MTMR14: variants seen among roughly 807,000 people sequenced by gnomAD.
MTMR14 encodes the protein phosphatidylinositol-3,5-bisphosphate 3-phosphatase MTMR14.
Under a neutral mutation model 86.3 loss-of-function variants are expected in MTMR14, and 48 were observed. The observed-to-expected ratio is 0.56, with a 90% CI of 0.44 to 0.71. The LOEUF (loss-of-function observed/expected upper bound fraction) is 0.71, where lower values mean the gene tolerates loss of function less well. Among genes scored for constraint, MTMR14 ranks in the 30% least tolerant of loss-of-function variants. The pLI is 0.00. For missense variants in MTMR14, 780 were observed against 834.6 expected (o/e 0.93, Z 0.81); for synonymous variants, 366 against 326.1 (o/e 1.12, Z -1.32).
rs768166936 is a variant in MTMR14, at chr3:9,687,856, T to C, written c.1200T>C (p.Ile400=). 4.8e-5 allele frequency: 76 copies of C among 1,587,960 alleles called. No homozygotes were observed. Among genetic ancestry groups the C allele is most frequent in the Admixed American group, 1.6e-4 (9 of 56,874 alleles). ...FFFCFNFLKH[I]TSEEFSALKT... ...TCTGCTTCAATTTTTTGAAGCATAT[T>C]ACCTCCGAGGAGTTCTCTGCTCTGA... The change falls in exon 14 of 19, where the codon ATT becomes ATC. Residue 400 remains isoleucine, a synonymous_variant. Coordinates refer to ENST00000296003, the MANE Select transcript of MTMR14 (RefSeq NM_001077525.3).
chr3:9,701,558 GC>G lies in MTMR14; in HGVS notation c.1770-231del, dbSNP rs2076458769. 7 of 585,568 alleles carry G rather than the reference GC, an allele frequency of 1.2e-5. No homozygotes were observed. The highest frequency in any genetic ancestry group is 1.8e-5 in the Non-Finnish European group (6 of 329,876). 36.3% of individuals were successfully genotyped at this position (585,568 alleles called of 1,614,324 possible). A position where few individuals can be genotyped will look rare whatever the true frequency, so the allele number is the denominator to read the frequency against. On this transcript the variant is annotated intron_variant, in intron 18 of 18. Coordinates refer to ENST00000296003, the MANE Select transcript of MTMR14 (RefSeq NM_001077525.3). This position sits in a 1 kb window ranked among gnomAD's most constrained non-coding sequence, Gnocchi z 4.2. Reference sequence around the variant, plus strand: ...AAAAAAGGTTAGTGTCCCAGTAAAAGCTCCTGCTCTAGGTGGGAACAGTAGC... The same window carrying G: ...AAAAAAGGTTAGTGTCCCAGTAAAAGTCCTGCTCTAGGTGGGAACAGTAGC...
intron 9 of MTMR14, among the ~76,000 whole-genome samples, chr3:9,678,333 A>T (rs2075651660): frequency 6.6e-6 from 1 of 152,256 alleles, no homozygotes; most frequent in South Asian, 2.1e-4. Flanking sequence ...AGGACCTCAT[A>T]GAGTCTGCTA....
chr3:9,684,838 T>C (rs1365674599), intron 11 of MTMR14, 50 bp from the exon 12 acceptor site: 2 of 1,599,678 alleles, frequency 1.3e-6, no homozygotes, highest in East Asian at 2.2e-5. Flanking sequence ...ATGGTTCAGC[T>C]CCTGGGGATG....
In MTMR14 at chr3:9,662,210, T is replaced by G. The variant is rs2047980834; in HGVS notation, c.309-57T>G. The G allele has an allele frequency of 4.5e-6, 6 of 1,319,646 alleles. No individual in the cohort carries two copies. In the Admixed American group the frequency reaches 1.0e-4, roughly 22 times the overall value. The allele number at this position is 1,319,646 out of a possible 1,614,324, so 81.7% of individuals were successfully genotyped here. The stretch of plus-strand genomic sequence containing the variant: ...GGGGGTCTGTGTGAATAAACACATA[T>G]ACACAAAGTGCCCACTTCAAAGTCA... On this transcript the variant is annotated intron_variant, in intron 2 of 18. Coordinates refer to ENST00000296003, the MANE Select transcript of MTMR14 (RefSeq NM_001077525.3).
chr3:9,680,621 A>G (rs893060447), intron 9 of MTMR14, among the ~76,000 whole-genome samples: 13 of 152,194 alleles, frequency 8.5e-5, no homozygotes, highest in Non-Finnish European at 1.6e-4. Flanking sequence ...CAAGGCGGGC[A>G]GATCACGAGG....
In MTMR14 at chr3:9,649,601, C is replaced by T. The variant is rs1450033277; in HGVS notation, c.18C>T (p.Ala6=). The stretch of plus-strand genomic sequence containing the variant: ...GCTGGGCCATGGCCGGCGCTCGGGC[C>T]GCCGCCGCCGCTGCCTCGGCGGGGT... MAGAR[A]AAAAASAGSS... is the part of the protein sequence containing the mutation. The change falls in exon 1 of 19, where the codon GCC becomes GCT. Residue 6 remains alanine, a synonymous_variant. Transcript: ENST00000296003. 6.5e-7 allele frequency: 1 copy of T among 1,544,972 alleles called. No individual in the cohort carries two copies. The highest frequency in any genetic ancestry group is 2.4e-5 in the East Asian group (1 of 40,830).
chr3:9,653,049 C>T (rs2047394224), intron 1 of MTMR14, among the ~76,000 whole-genome samples: 1 of 152,170 alleles, frequency 6.6e-6, no homozygotes, highest in South Asian at 2.1e-4. Flanking sequence ...CTAGCCTGGC[C>T]AACATGGTGA....
intron 4 of MTMR14, among the ~76,000 whole-genome samples, 194 bp from the exon 5 acceptor site, chr3:9,669,238 G>A (rs754644226): frequency 1.1e-4 from 17 of 152,092 alleles, no homozygotes; most frequent in Admixed American, 4.6e-4. Context: ...TTTGATCAGG[G>A]ACCAGGAGAC....
At chr3:9,660,111 G>T (rs1253946732) in intron 2 of MTMR14, among the ~76,000 whole-genome samples, 4 of 152,200 alleles carry the variant, frequency 2.6e-5, no homozygotes, top group African/African-American at 9.7e-5. Context: ...TTATATTCTT[G>T]TGGAGTCTAG....
Position 9,677,450 on chromosome 3 carries a change from A to G in MTMR14, c.822+63A>G. 7.0e-7 allele frequency: 1 copy of G among 1,422,026 alleles called. No homozygotes were observed. The highest frequency in any genetic ancestry group is 9.9e-7 in the Non-Finnish European group (1 of 1,005,568). The allele number at this position is 1,422,026 out of a possible 1,614,324, so 88.1% of individuals were successfully genotyped here. ...TCTTTGTAAAGGGAGGCCAAGGAGA[A>G]CAACAAGCAGTCTTTGGGGAAAACA... On this transcript the variant is annotated intron_variant, in intron 8 of 18. Transcript: ENST00000296003. The surrounding 1 kb of genome is among the most constrained non-coding windows in gnomAD (Gnocchi z 4.2).
At chr3:9,672,381 A>C (rs2048613415) in intron 6 of MTMR14, among the ~76,000 whole-genome samples, 1 of 152,158 alleles carries the variant, frequency 6.6e-6, no homozygotes, top group Non-Finnish European at 1.5e-5. Flanking sequence ...CTGGGATTAC[A>C]GGAGCGCGCT....
At chr3:9,682,932 A>AC (rs542468520) in intron 9 of MTMR14, among the ~76,000 whole-genome samples, 5,391 of 143,402 alleles carry the variant, frequency 0.038, 387 homozygotes, top group African/African-American at 0.13. Flanking sequence ...ATTGGGTCAG[A>AC]GCCCCCCCCC....
At position 9,664,000 on chromosome 3, in the gene MTMR14, G is replaced by C. The variant is rs928812608; in HGVS notation, c.417+1625G>C. Among the ~76,000 whole-genome samples, 3 of 148,140 alleles carry C rather than the reference G, an allele frequency of 2.0e-5. No individual in the cohort carries two copies. In the Admixed American group the frequency reaches 2.0e-4, roughly 10 times the overall value. The stretch of plus-strand genomic sequence containing the variant: ...GACGGGGTTTCGCCATGGTGGCCAG[G>C]CTGCTCTCAAACTGCTGACCTCAGG... On this transcript the variant is annotated intron_variant, in intron 3 of 18. Transcript: ENST00000296003.
intron 2 of MTMR14, among the ~76,000 whole-genome samples, chr3:9,660,381 C>T (rs561204994): frequency 6.6e-6 from 1 of 152,244 alleles, no homozygotes; most frequent in South Asian, 2.1e-4. Flanking sequence ...GCCTCAGCCT[C>T]CTGAGTAGCT....
rs1258602552 is a variant in MTMR14, at chr3:9,653,667, A to C, written c.206A>C (p.Tyr69Ser). Residue 69 changes from tyrosine (Y) to serine (S), a missense_variant, in exon 2 of 19, where the codon TAC (tyrosine) becomes TCC (serine). Physicochemically the swap from Tyr to Ser is moderately radical, Grantham distance 144. Transcript: ENST00000296003. ...TGTCTGGAGCTGTTTGGCCGAGACT[A>C]CTGTTTCAGCGTGATTCCAAACACG... ...KRCLELFGRD[Y>S]CFSVIPNTNG... 2 of 1,614,008 alleles carry C rather than the reference A, an allele frequency of 1.2e-6. No homozygotes were observed. Among genetic ancestry groups the C allele is most frequent in the African/African-American group, 1.3e-5 (1 of 74,900 alleles).
At chr3:9,681,670 G>A (rs2075772877) in intron 9 of MTMR14, among the ~76,000 whole-genome samples, 2 of 152,094 alleles carry the variant, frequency 1.3e-5, no homozygotes, top group East Asian at 1.9e-4. Context: ...TCAGGCACGA[G>A]CCTTGTTTGT....
intron 17 of MTMR14, among the ~76,000 whole-genome samples, chr3:9,691,977 G>A (rs1393875854): frequency 1.3e-5 from 2 of 152,142 alleles, no homozygotes; most frequent in East Asian, 3.9e-4. Flanking sequence ...ATGCCTGTTG[G>A]TCAGAGGTTT....
At chr3:9,691,576 A>G (rs1179521611) in intron 17 of MTMR14, among the ~76,000 whole-genome samples, 1 of 152,162 alleles carries the variant, frequency 6.6e-6, no homozygotes, top group Non-Finnish European at 1.5e-5. Flanking sequence ...ACTGCCCAGA[A>G]TGCAGTGAGC....
intron 7 of MTMR14, among the ~76,000 whole-genome samples, chr3:9,674,323 G>T (rs1368065831): frequency 6.6e-6 from 1 of 152,128 alleles, no homozygotes; most frequent in Non-Finnish European, 1.5e-5. Flanking sequence ...CTTTGACCCA[G>T]GTATTTTTCT....
Sources: allele counts gnomAD v4.1 joint callset (sites outside exome capture counted in the v4.1 genomes callset), GRCh38; gene constraint gnomAD v4.1.1; non-coding constraint Gnocchi (gnomAD v3.1); transcripts MANE v1.5; gene names NCBI Gene and HGNC (gene_info 2026-07-23, HGNC 2026-07-21).